GADL1: variants seen among roughly 807,000 people sequenced by gnomAD.
GADL1 encodes acidic amino acid decarboxylase GADL1.
A neutral mutation model predicts 69.5 loss-of-function variants in GADL1; 71 were observed. The ratio of observed to expected loss-of-function variants is 1.02; its 90% CI spans 0.84 to 1.25. The LOEUF (loss-of-function observed/expected upper bound fraction) is 1.25, where lower values mean the gene tolerates loss of function less well. Ranked by LOEUF, GADL1 falls within the 50% of genes most tolerant of loss-of-function variation. The pLI is 0.00. For missense variants in GADL1, 737 were observed against 631.8 expected (o/e 1.17, Z -1.79); for synonymous variants, 254 against 214.4 (o/e 1.18, Z -1.62).
chr3:30,758,846 G>A (rs568244606), intron 14 of GADL1, among the ~76,000 whole-genome samples: 9 of 152,324 alleles, frequency 5.9e-5, no homozygotes, highest in African/African-American at 2.2e-4. Context: ...TGGTACAAGT[G>A]TCGCCCTTTT....
Position 30,873,317 on chromosome 3 carries a change from C to G in GADL1, c.38-11552G>C, listed in dbSNP as rs1051399993. Among the ~76,000 whole-genome samples the G allele has an allele frequency of 3.9e-5, 6 of 152,026 alleles. No homozygotes were observed. The East Asian group carries it at 1.2e-3, about 30-fold the overall frequency. Reference sequence around the variant, plus strand: ...AGGTTATTTCATTTAATCCTCATAACTGCCTTATGATGAAGATATCTTTAT... The same window carrying G: ...AGGTTATTTCATTTAATCCTCATAAGTGCCTTATGATGAAGATATCTTTAT... On this transcript the variant is annotated intron_variant, in intron 1 of 14. Coordinates refer to ENST00000282538, the MANE Select transcript of GADL1 (RefSeq NM_207359.3).
At chr3:30,849,303 C>G (rs1698108003) in intron 6 of GADL1, among the ~76,000 whole-genome samples, 1 of 152,114 alleles carries the variant, frequency 6.6e-6, no homozygotes, top group Non-Finnish European at 1.5e-5. Flanking sequence ...AGAATGATAA[C>G]TCTATATTTG....
chr3:30,783,151 C>T (rs529157222), intron 13 of GADL1, among the ~76,000 whole-genome samples: 5 of 152,104 alleles, frequency 3.3e-5, no homozygotes, highest in African/African-American at 7.2e-5. Context: ...TATATGTCCT[C>T]GAAGATCTTC....
intron 1 of GADL1, among the ~76,000 whole-genome samples, chr3:30,878,062 T>TA (rs778503344): frequency 2.6e-5 from 4 of 151,900 alleles, no homozygotes; most frequent in Non-Finnish European, 5.9e-5. Context: ...GTCCTGGTGA[T>TA]ATGCACAAAA....
intron 11 of GADL1, among the ~76,000 whole-genome samples, chr3:30,816,530 CTTTTTTTTTT>C (rs773530741): frequency 1.1e-3 from 58 of 53,972 alleles, no homozygotes; most frequent in East Asian, 3.6e-3. Flanking sequence ...AATTTGTTTT[CTTTTTTTTTT>C]TTTTTTTTTT....
chr3:30,831,420 A>G (rs922874260), intron 11 of GADL1, among the ~76,000 whole-genome samples: 1 of 151,862 alleles, frequency 6.6e-6, no homozygotes, highest in African/African-American at 2.4e-5. Flanking sequence ...TCTTCTCTGT[A>G]TTAGACAAGG....
At chr3:30,779,947 C>T (rs1280635524) in intron 13 of GADL1, among the ~76,000 whole-genome samples, 1 of 152,098 alleles carries the variant, frequency 6.6e-6, no homozygotes, top group Non-Finnish European at 1.5e-5. Context: ...TCATGGGTCT[C>T]CTACAGAATC....
intron 14 of GADL1, among the ~76,000 whole-genome samples, chr3:30,751,599 C>T (rs1477866056): frequency 6.6e-6 from 1 of 151,664 alleles, no homozygotes; most frequent in Non-Finnish European, 1.5e-5. Flanking sequence ...GTGGAGGTAT[C>T]TATAGAAGAT....
At chr3:30,805,533 A>G (rs1302309096) in intron 11 of GADL1, among the ~76,000 whole-genome samples, 1 of 152,142 alleles carries the variant, frequency 6.6e-6, no homozygotes, top group Non-Finnish European at 1.5e-5. Flanking sequence ...ATCTTTATGA[A>G]TACTTGTGAA....
chr3:30,800,854 A>ACACACACACACACACACAC (rs1559503658), intron 12 of GADL1, 35 bp downstream of exon 12: 1 of 1,027,334 alleles, frequency 9.7e-7, no homozygotes, highest in Non-Finnish European at 1.4e-6. Context: ...CACACACAGA[A>ACACACACACACACACACAC]AGAGAGAGAG....
At chr3:30,879,971 T>C (rs55705715) in intron 1 of GADL1, among the ~76,000 whole-genome samples, 43 of 152,036 alleles carry the variant, frequency 2.8e-4, no homozygotes, top group African/African-American at 1.0e-3. Flanking sequence ...CCTTTCTCTT[T>C]GCATTCTACT....
chr3:30,754,131 A>G (rs893690367), intron 14 of GADL1, among the ~76,000 whole-genome samples: 4 of 152,188 alleles, frequency 2.6e-5, no homozygotes, highest in Non-Finnish European at 5.9e-5. Flanking sequence ...CCAAATAAGT[A>G]AAAACCCTTT....
In GADL1 at chr3:30,894,572, C is replaced by G. The variant is rs530491748; in HGVS notation, c.37+6G>C. 7 of 1,549,338 alleles carry G rather than the reference C, an allele frequency of 4.5e-6. No individual in the cohort carries two copies. In the African/African-American group the frequency reaches 9.6e-5, roughly 21 times the overall value. ...GACAAAAACCGCAGCCGCGCTGAGT[C>G]GTTACCGTCCACAGGACACTGGCGG... On this transcript the variant is annotated splice_donor_region_variant and intron_variant, in intron 1 of 14. Transcript: ENST00000282538.
At chr3:30,741,891 G>A (rs1267544066) in intron 14 of GADL1, among the ~76,000 whole-genome samples, 5 of 152,120 alleles carry the variant, frequency 3.3e-5, no homozygotes, top group Non-Finnish European at 1.5e-5. Flanking sequence ...CCAAGGCAAG[G>A]TCAGGAGAGG....
At chr3:30,763,507 C>CGGGGGG (rs1199881775) in intron 14 of GADL1, among the ~76,000 whole-genome samples, 7 of 6,234 alleles carry the variant, frequency 1.1e-3, no homozygotes, top group South Asian at 8.5e-3. Flanking sequence ...GTCTCGGCGG[C>CGGGGGG]GGGGGGTGGG....
rs61656970 is a variant in GADL1 at position 30,770,409 on chromosome 3, G to A, written c.1392+7770C>T. Among the ~76,000 whole-genome samples the A allele has an allele frequency of 3.5e-3, 538 of 152,326 alleles. 2 individuals carry two copies. Among genetic ancestry groups the A allele is most frequent in the African/African-American group, 0.012 (490 of 41,576 alleles). The stretch of plus-strand genomic sequence containing the variant: ...CTTAAATGATAAACTTGGCTCATGT[G>A]CAAATGTTACACAGAAAGCCAGTGG... On this transcript the variant is annotated intron_variant, in intron 14 of 14. Transcript: ENST00000282538.
chr3:30,871,178 A>C (rs1320595471), intron 1 of GADL1, among the ~76,000 whole-genome samples: 3 of 151,406 alleles, frequency 2.0e-5, no homozygotes, highest in African/African-American at 7.3e-5. Flanking sequence ...CCTTGCAGGG[A>C]CTTCAGTAGA....
At chr3:30,762,813 C>T (rs534495593) in intron 14 of GADL1, among the ~76,000 whole-genome samples, 30 of 151,108 alleles carry the variant, frequency 2.0e-4, no homozygotes, top group Non-Finnish European at 4.0e-4. Context: ...ATTTTTAGAT[C>T]CCACAGATAA....
rs1491390714 is a variant in GADL1, at chr3:30,839,529, G to GAAAAAAAAAAAAAAAAAAAAA, written c.787-417_787-416insTTTTTTTTTTTTTTTTTTTTT. On this transcript the variant is annotated intron_variant, in intron 8 of 14. Coordinates refer to ENST00000282538, the MANE Select transcript of GADL1 (RefSeq NM_207359.3). ...GTCATCTTCTCAAAAAAAAAAAAAG[G>GAAAAAAAAAAAAAAAAAAAAA]TTGGAAGACAGAGCTCCCGGAGTAA... 1.0e-4 allele frequency among the ~76,000 whole-genome samples: 14 copies of GAAAAAAAAAAAAAAAAAAAAA among 133,822 alleles called. 1 individual carries two copies. The highest frequency in any genetic ancestry group is 4.1e-4 in the African/African-American group (14 of 34,012). 87.8% of individuals were successfully genotyped at this position (133,822 alleles called of 152,430 possible).
Sources: gnomAD v4.1 joint callset for allele counts (sites outside exome capture counted in the v4.1 genomes callset) on GRCh38, gnomAD v4.1.1 for gene constraint, MANE v1.5 for transcripts, NCBI Gene and HGNC (gene_info 2026-07-23, HGNC 2026-07-21) for gene names.